CASTOR1: variants seen among roughly 807,000 people sequenced by gnomAD.
The protein encoded by CASTOR1 is GATS protein like 3.
Under a neutral mutation model 33.7 loss-of-function variants are expected in CASTOR1, and 18 were observed. That is an observed-to-expected ratio of 0.53 (90% confidence interval 0.37 to 0.79). The LOEUF is 0.79. Among genes scored for constraint, CASTOR1 ranks in the 30% least tolerant of loss-of-function variants. The pLI is 0.00. For synonymous variants in CASTOR1, 175 were observed against 190.6 expected, an observed-to-expected ratio of 0.92 and a Z score of 0.67; for missense variants, 362 against 446.3, an observed-to-expected ratio of 0.81 and a Z score of 1.70.
Position 30,285,527 on chromosome 22 carries a change from G to T in CASTOR1, c.*93C>A. 1 of 1,024,076 alleles carries T rather than the reference G, an allele frequency of 9.8e-7. No individual in the cohort carries two copies. The highest frequency in any genetic ancestry group is 1.4e-6 in the Non-Finnish European group (1 of 690,602). 63.4% of individuals were successfully genotyped at this position (1,024,076 alleles called of 1,614,324 possible). ...ACGAGGGTCCCCAGCAGAACAGGGG[G>T]CTCGTTCCAGAGCTTAAGGAAATAG... On this transcript the variant is annotated 3_prime_UTR_variant, in exon 9 of 9. Coordinates refer to ENST00000407689, the MANE Select transcript of CASTOR1 (RefSeq NM_001037666.3).
In CASTOR1 at chr22:30,285,385, T is replaced by A; in HGVS notation, c.*235A>T. ...GGGGGCTTAAGCCCCGAGCACCGTG[T>A]TCCCCTGCATGGGCAGACACGCAGT... On this transcript the variant is annotated 3_prime_UTR_variant, in exon 9 of 9. Transcript: ENST00000407689. 2.1e-6 allele frequency: 1 copy of A among 476,548 alleles called. No individual in the cohort carries two copies. The highest frequency in any genetic ancestry group is 3.7e-6 in the Non-Finnish European group (1 of 269,716). 29.5% of individuals were successfully genotyped at this position (476,548 alleles called of 1,614,324 possible).
intron 2 of CASTOR1, among the ~76,000 whole-genome samples, chr22:30,288,105 G>C (rs1401019731): frequency 1.3e-5 from 2 of 152,276 alleles, no homozygotes; most frequent in Admixed American, 1.3e-4. Context: ...AGGATGGGCA[G>C]GGCCAGCAGC....
rs778840665 is a variant in CASTOR1, at chr22:30,289,301, C to G, written c.113+84G>C. 4.8e-6 allele frequency: 5 copies of G among 1,049,664 alleles called. No individual in the cohort carries two copies. The African/African-American group carries it at 6.5e-5, about 14-fold the overall frequency. The allele number at this position is 1,049,664 out of a possible 1,614,324, so 65.0% of individuals were successfully genotyped here. On this transcript the variant is annotated intron_variant, in intron 1 of 8. Transcript: ENST00000407689. ...CCCGCCCGCCTGCCTGCCTGCCTTA[C>G]GGCGATCCTAATCCTCCGACCCTGG... is the stretch of plus-strand genomic sequence containing the variant.
chr22:30,286,050 C>T lies in CASTOR1; in HGVS notation c.792G>A (p.Arg264=). The T allele has an allele frequency of 1.3e-6, 2 of 1,588,548 alleles. No individual in the cohort carries two copies. The highest frequency in any genetic ancestry group is 1.7e-6 in the Non-Finnish European group (2 of 1,165,768). ...GGGGCTGTCCACCGATGCGCACCAT[C>T]CTCCACAGCTCCCCCGAGGAGCTGG... ...LLTSSSGELW[R]MVRIGGQPLG... The change falls in exon 7 of 9, where the codon AGG becomes AGA. Residue 264 remains arginine, a synonymous_variant. Transcript: ENST00000407689.
At position 30,285,417 on chromosome 22, in the gene CASTOR1, A is replaced by T; in HGVS notation, c.*203T>A. 1.9e-6 allele frequency: 1 copy of T among 533,340 alleles called. No homozygotes were observed. The highest frequency in any genetic ancestry group is 3.7e-5 in the Admixed American group (1 of 26,752). The allele number at this position is 533,340 out of a possible 1,614,324, so 33.0% of individuals were successfully genotyped here. A position where few individuals can be genotyped will look rare whatever the true frequency, so the allele number is the denominator to read the frequency against. ...GCATGGGCAGACACGCAGTCAGGCT[A>T]GCACCTGCCCACTCCACCTGTGAGT... is the stretch of plus-strand genomic sequence containing the variant. On this transcript the variant is annotated 3_prime_UTR_variant, in exon 9 of 9. Transcript: ENST00000407689.
chr22:30,286,518 C>T, intron 5 of CASTOR1, 142 bp from the exon 6 acceptor site: 1 of 685,066 alleles, frequency 1.5e-6, no homozygotes, highest in Non-Finnish European at 2.5e-6. Context: ...GCCCAAGGGT[C>T]CAGCCCTCTG....
At chr22:30,289,173 G>T in intron 1 of CASTOR1, 1 of 585,286 alleles carries the variant, frequency 1.7e-6, no homozygotes. Flanking sequence ...CCCATCCCAG[G>T]CTGTTTGCGC....
chr22:30,287,883 A>G lies in CASTOR1; in HGVS notation c.185-323T>C, dbSNP rs536988129. The stretch of plus-strand genomic sequence containing the variant: ...CTCATCTGTAAAATGGGACGACAAT[A>G]TCTACCTCACTACGGTGTCTTCTGT... On this transcript the variant is annotated intron_variant, in intron 2 of 8. Coordinates refer to ENST00000407689, the MANE Select transcript of CASTOR1 (RefSeq NM_001037666.3). 47 of 573,316 alleles carry G rather than the reference A, an allele frequency of 8.2e-5. No individual in the cohort carries two copies. The East Asian group carries it at 1.8e-3, about 22-fold the overall frequency. The allele number at this position is 573,316 out of a possible 1,614,324, so 35.5% of individuals were successfully genotyped here.
rs1169551892 is a variant in CASTOR1 at position 30,287,570 on chromosome 22, G to A, written c.185-10C>T. The A allele has an allele frequency of 6.2e-7, 1 of 1,605,104 alleles. No individual in the cohort carries two copies. On this transcript the variant is annotated splice_polypyrimidine_tract_variant and intron_variant, in intron 2 of 8. Transcript: ENST00000407689. The stretch of plus-strand genomic sequence containing the variant: ...TCAGATGGGGGCAGCTCTGTGGGCA[G>A]GGGACATGTCAGGTCAGGGTCTACA...
chr22:30,286,716 C>T (rs1384356046), intron 5 of CASTOR1, 109 bp downstream of exon 5: 2 of 1,395,416 alleles, frequency 1.4e-6, no homozygotes. Context: ...TGCCAGGAAC[C>T]CCAAGAGAGG....
In CASTOR1 at chr22:30,286,840, A is replaced by G; in HGVS notation, c.614T>C (p.Leu205Pro). ...CAAGGTCCACCTGTGCGAGTAGAAG[A>G]GGACATCTATGAGGGTGGTGGCGAT... ...PAIATTLIDVLFYSHSTPKEA... is the reference protein window; with the variant it reads ...PAIATTLIDVPFYSHSTPKEA... Residue 205 changes from leucine (L) to proline (P), a missense_variant, in exon 5 of 9, where the codon CTC (leucine) becomes CCC (proline). Leu to Pro is a moderately conservative substitution (Grantham distance 98). Transcript: ENST00000407689. 6.2e-7 allele frequency: 1 copy of G among 1,614,184 alleles called. No homozygotes were observed. Among genetic ancestry groups the G allele is most frequent in the Non-Finnish European group, 8.5e-7 (1 of 1,180,032 alleles).
chr22:30,286,967 A>C lies in CASTOR1; in HGVS notation c.506-19T>G, dbSNP rs1292315506. On this transcript the variant is annotated intron_variant, in intron 4 of 8. Transcript: ENST00000407689. ...CTGGGCCCTGCTGGAGGACAGCAGC[A>C]GGTGAAAAGGTGTCCGTGGGCTGGG... The C allele has an allele frequency of 6.3e-7, 1 of 1,597,546 alleles. No individual in the cohort carries two copies. Among genetic ancestry groups the C allele is most frequent in the South Asian group, 1.1e-5 (1 of 89,556 alleles).
Position 30,285,271 on chromosome 22 carries a change from G to A in CASTOR1, c.*349C>T, listed in dbSNP as rs866221170. 1.7e-4 allele frequency: 35 copies of A among 208,480 alleles called. No individual in the cohort carries two copies. The highest frequency in any genetic ancestry group is 2.3e-4 in the Non-Finnish European group (24 of 104,782). 12.9% of individuals were successfully genotyped at this position (208,480 alleles called of 1,614,324 possible). A position where few individuals can be genotyped will look rare whatever the true frequency, so the allele number is the denominator to read the frequency against. ...CCAGAGGCAGAACGGAGGTCAGCGG[G>A]GCAGCTGGCCCAGGAAGCCTTTGGG... On this transcript the variant is annotated 3_prime_UTR_variant, in exon 9 of 9. Transcript: ENST00000407689.
At chr22:30,287,967 G>A (rs1403593374) in intron 2 of CASTOR1, 2 of 455,074 alleles carry the variant, frequency 4.4e-6, no homozygotes, top group East Asian at 1.3e-4. Flanking sequence ...AGATCAGGTT[G>A]GCTGGGGGAT....
At position 30,286,939 on chromosome 22, in the gene CASTOR1, G is replaced by T; in HGVS notation, c.515C>A (p.Pro172His). The T allele has an allele frequency of 6.2e-7, 1 of 1,612,064 alleles. No individual in the cohort carries two copies. The highest frequency in any genetic ancestry group is 8.5e-7 in the Non-Finnish European group (1 of 1,178,512). The change falls in exon 5 of 9, where the codon CCC becomes CAC. Residue 172 changes from proline (P) to histidine (H), a missense_variant. Transcript: ENST00000407689. ...GFPRTQHGPS[P>H]TVHPIQSPQN... ...TGGGCTCTGGATGGGATGCACCGTG[G>T]GGCTGGGCCCTGCTGGAGGACAGCA...
At chr22:30,289,233 A>G (rs1175377945) in intron 1 of CASTOR1, 152 bp downstream of exon 1, 4 of 640,954 alleles carry the variant, frequency 6.2e-6, no homozygotes, top group African/African-American at 3.8e-5. Context: ...GCGGTCCCCC[A>G]GGCCGGATGG....
intron 2 of CASTOR1, among the ~76,000 whole-genome samples, chr22:30,288,144 G>T (rs1192723815): frequency 1.3e-5 from 2 of 152,222 alleles, no homozygotes; most frequent in African/African-American, 4.8e-5. Context: ...TCAGCTCCAG[G>T]CCCCAGGGAG....
intron 5 of CASTOR1, 153 bp downstream of exon 5, chr22:30,286,672 G>A (rs529700960): frequency 7.9e-6 from 8 of 1,008,650 alleles, no homozygotes; most frequent in Admixed American, 6.0e-5. Context: ...AACCTTCCCC[G>A]AACATCAGTG....
intron 4 of CASTOR1, 21 bp from the exon 5 acceptor site, chr22:30,286,969 G>A: frequency 6.3e-7 from 1 of 1,597,696 alleles, no homozygotes; most frequent in Non-Finnish European, 8.5e-7. Context: ...ACAGCAGCAG[G>A]TGAAAAGGTG....
Sources: gnomAD v4.1 joint callset for allele counts (sites outside exome capture counted in the v4.1 genomes callset) on GRCh38, gnomAD v4.1.1 for gene constraint, MANE v1.5 for transcripts, NCBI Gene and HGNC (gene_info 2026-07-23, HGNC 2026-07-21) for gene names.